Variants in ROBO2 observed in about 807,000 individuals in gnomAD.
The protein encoded by ROBO2 is roundabout guidance receptor 2.
ROBO2 carries 53 observed loss-of-function variants against 160.8 expected under a neutral mutation model. The ratio of observed to expected loss-of-function variants is 0.33; its 90% CI spans 0.26 to 0.41. ROBO2 has a LOEUF of 0.41. ROBO2 is among the 10% of genes least tolerant of loss of function. The pLI, the probability that ROBO2 is intolerant of heterozygous loss-of-function variation, is 1.00. For synonymous variants in ROBO2, 664 were observed against 611.7 expected (o/e 1.09, Z -1.26); for missense variants, 1,577 against 1,722.4 (o/e 0.92, Z 1.49).
chr3:77,628,447 TG>T (rs11400323), intron 23 of ROBO2, among the ~76,000 whole-genome samples: 58,006 of 139,478 alleles, frequency 0.42, 11,821 homozygotes, highest in South Asian at 0.49. Flanking sequence ...TCTCTTTTTG[TG>T]GGGGGGGGGT....
chr3:76,452,588 G>A (rs1023621789), intron 2 of ROBO2, among the ~76,000 whole-genome samples: 2 of 151,964 alleles, frequency 1.3e-5, no homozygotes, highest in Non-Finnish European at 2.9e-5. Flanking sequence ...TGGATATTTG[G>A]GCTGGTTCCA....
intron 2 of ROBO2, among the ~76,000 whole-genome samples, chr3:76,251,728 T>C (rs1265513219): frequency 6.6e-6 from 1 of 152,076 alleles, no homozygotes; most frequent in Non-Finnish European, 1.5e-5. Flanking sequence ...AACATTCAGT[T>C]AAGATGATTG....
At chr3:76,807,833 C>A (rs1426317610) in intron 2 of ROBO2, among the ~76,000 whole-genome samples, 3 of 151,968 alleles carry the variant, frequency 2.0e-5, no homozygotes, top group Non-Finnish European at 4.4e-5. Flanking sequence ...AATAAGTAGG[C>A]AGATAAATTA....
At chr3:76,669,203 TAAG>T (rs2092169201) in intron 2 of ROBO2, among the ~76,000 whole-genome samples, 1 of 152,080 alleles carries the variant, frequency 6.6e-6, no homozygotes, top group Non-Finnish European at 1.5e-5. Context: ...TCAAAACTGC[TAAG>T]AAATGGGGTG....
At chr3:76,036,276 A>C (rs2067104777) in intron 2 of ROBO2, among the ~76,000 whole-genome samples, 1 of 151,742 alleles carries the variant, frequency 6.6e-6, no homozygotes, top group African/African-American at 2.4e-5. Flanking sequence ...CAACCTCCCA[A>C]GTAGCTGGGA....
At chr3:76,556,363 C>A (rs1180803210) in intron 2 of ROBO2, among the ~76,000 whole-genome samples, 1 of 152,062 alleles carries the variant, frequency 6.6e-6, no homozygotes, top group South Asian at 2.1e-4. Context: ...ATGTATTTTA[C>A]AAAGACAATA....
At chr3:76,221,136 A>G (rs1703938691) in intron 2 of ROBO2, among the ~76,000 whole-genome samples, 1 of 152,232 alleles carries the variant, frequency 6.6e-6, no homozygotes, top group Non-Finnish European at 1.5e-5. Flanking sequence ...CCCAGGCAAT[A>G]TTGACTGTTT....
intron 2 of ROBO2, among the ~76,000 whole-genome samples, chr3:77,126,177 C>A (rs546892094): frequency 7.2e-5 from 11 of 152,296 alleles, no homozygotes; most frequent in African/African-American, 2.6e-4. Context: ...AGAGTAACCT[C>A]ATTACAGTCA....
intron 2 of ROBO2, among the ~76,000 whole-genome samples, chr3:76,105,730 A>G (rs975151049): frequency 2.0e-5 from 3 of 152,024 alleles, no homozygotes; most frequent in South Asian, 4.2e-4. Context: ...AGACCTTCCC[A>G]TGGGGAGTAA....
chr3:77,564,869 C>A, intron 11 of ROBO2, 85 bp from the exon 13 acceptor site: 1 of 1,134,066 alleles, frequency 8.8e-7, no homozygotes, highest in Middle Eastern at 2.0e-4. Context: ...TAATTTCCAG[C>A]CATTAACCTT....
At chr3:77,090,667 A>G (rs532018616) in intron 1 of ROBO2, among the ~76,000 whole-genome samples, 7 of 151,986 alleles carry the variant, frequency 4.6e-5, no homozygotes, top group African/African-American at 1.7e-4. Context: ...ACCACTCTTT[A>G]TAGCATTGAT....
At chr3:76,626,012 G>A (rs1200918349) in intron 2 of ROBO2, among the ~76,000 whole-genome samples, 1 of 152,198 alleles carries the variant, frequency 6.6e-6, no homozygotes, top group Non-Finnish European at 1.5e-5. Flanking sequence ...GGGAGTAGCA[G>A]AGATAGTGAG....
rs142131118 is a variant in ROBO2 at position 77,365,150 on chromosome 3, G to GA, written c.389-112247dup. Among the ~76,000 whole-genome samples, 141 of 134,332 alleles carry GA rather than the reference G, an allele frequency of 1.0e-3. 1 individual carries two copies. The highest frequency in any genetic ancestry group is 7.6e-3 in the Middle Eastern group (2 of 262). 88.1% of individuals were successfully genotyped at this position (134,332 alleles called of 152,430 possible). A position where few individuals can be genotyped will look rare whatever the true frequency, so the allele number is the denominator to read the frequency against. On this transcript the variant is annotated intron_variant, in intron 2 of 25. Coordinates refer to ENST00000461745, the Ensembl canonical transcript of ROBO2. Reference sequence around the variant, plus strand: ...GTGACAGAGTGAGACTCCATCTCAGGAAAAAAAAAAAAAAAAAGAAAGAAA... The same window carrying GA: ...GTGACAGAGTGAGACTCCATCTCAGGAAAAAAAAAAAAAAAAAAGAAAGAAA...
chr3:76,595,861 T>G (rs1159337242), intron 2 of ROBO2, among the ~76,000 whole-genome samples: 3 of 152,042 alleles, frequency 2.0e-5, no homozygotes, highest in Non-Finnish European at 4.4e-5. Flanking sequence ...CCACTTGAAA[T>G]TCAGCCAGTC....
At chr3:76,824,961 G>A (rs2066435451) in intron 2 of ROBO2, among the ~76,000 whole-genome samples, 2 of 152,146 alleles carry the variant, frequency 1.3e-5, no homozygotes, top group Non-Finnish European at 2.9e-5. Context: ...AACCTGCTGG[G>A]AAATTTCCAG....
At chr3:77,003,656 G>C (rs1410449120) in intron 2 of ROBO2, among the ~76,000 whole-genome samples, 1 of 152,072 alleles carries the variant, frequency 6.6e-6, no homozygotes, top group Non-Finnish European at 1.5e-5. Context: ...CGCCTCCTGG[G>C]TTCAAGCGAT....
At chr3:75,928,861 CGTGTGTGTGTGTGTGT>C (rs60525375) in intron 1 of ROBO2, among the ~76,000 whole-genome samples, 28 of 109,016 alleles carry the variant, frequency 2.6e-4, no homozygotes, top group South Asian at 2.3e-3. Flanking sequence ...CTGGATAAGA[CGTGTGTGTGTGTGTGT>C]GTGTGTGTGT....
intron 2 of ROBO2, among the ~76,000 whole-genome samples, chr3:77,119,016 G>A (rs1418735348): frequency 6.6e-6 from 1 of 152,122 alleles, no homozygotes; most frequent in African/African-American, 2.4e-5. Context: ...TGGATCATGG[G>A]TGAGGGTTCC....
intron 2 of ROBO2, among the ~76,000 whole-genome samples, chr3:76,541,060 A>G (rs553658314): frequency 1.6e-4 from 24 of 152,322 alleles, no homozygotes; most frequent in Admixed American, 1.1e-3. Flanking sequence ...TCGGCCTCCC[A>G]GAATGCTGTG....
Sources: allele counts gnomAD v4.1 joint callset (sites outside exome capture counted in the v4.1 genomes callset), GRCh38; gene constraint gnomAD v4.1.1; transcripts MANE v1.5; gene names NCBI Gene and HGNC (gene_info 2026-07-23, HGNC 2026-07-21).